CCSER1: variants seen among roughly 807,000 people sequenced by gnomAD.
CCSER1 encodes serine-rich coiled-coil domain-containing protein 1.
CCSER1 carries 41 observed loss-of-function variants against 82.0 expected under a neutral mutation model. The observed-to-expected ratio is 0.50, with a 90% CI of 0.39 to 0.65. The LOEUF is 0.65. Among genes scored for constraint, CCSER1 ranks in the 30% least tolerant of loss-of-function variants. The pLI is 0.00. For synonymous variants in CCSER1, 414 were observed against 383.9 expected (o/e 1.08, Z -0.92); for missense variants, 1,119 against 1,064.2 (o/e 1.05, Z -0.72).
At chr4:90,933,282 G>C (rs1461568163) in intron 9 of CCSER1, among the ~76,000 whole-genome samples, 1 of 151,000 alleles carries the variant, frequency 6.6e-6, no homozygotes, top group Admixed American at 6.6e-5. Flanking sequence ...CCACCTCCCG[G>C]GTTCACCGCA....
At chr4:90,691,584 GTGAATATATCACATGTGTATATATCACA>G (rs1393769284) in intron 6 of CCSER1, among the ~76,000 whole-genome samples, 15 of 108,610 alleles carry the variant, frequency 1.4e-4, no homozygotes, top group Admixed American at 1.9e-4. Flanking sequence ...TATAATGCAT[GTGAATATATCACATGTGTATATATCACA>G]TGTATATATG....
At position 91,599,604 on chromosome 4, in the gene CCSER1, T is replaced by C. The variant is rs1764737326; in HGVS notation, c.*547T>C. On this transcript the variant is annotated 3_prime_UTR_variant, in exon 11 of 11. Transcript: ENST00000509176. ...AACCTAGAGATGTGTTTGTCTCTATTACATACATTCAAGCTCATCTTGTGA... is the reference window on the plus strand; with the variant it reads ...AACCTAGAGATGTGTTTGTCTCTATCACATACATTCAAGCTCATCTTGTGA... 6.6e-6 allele frequency: 1 copy of C among 152,198 alleles called. No individual in the cohort carries two copies. The highest frequency in any genetic ancestry group is 1.5e-5 in the Non-Finnish European group (1 of 68,058). The allele number at this position is 152,198 out of a possible 1,614,324, so 9.4% of individuals were successfully genotyped here. A position where few individuals can be genotyped will look rare whatever the true frequency, so the allele number is the denominator to read the frequency against.
At chr4:90,188,378 T>C (rs1169891188) in intron 1 of CCSER1, among the ~76,000 whole-genome samples, 2 of 151,996 alleles carry the variant, frequency 1.3e-5, no homozygotes, top group African/African-American at 2.4e-5. Context: ...GACTTTAATG[T>C]AGCTTCTATC....
chr4:90,897,613 CT>C (rs2150135517), intron 8 of CCSER1, among the ~76,000 whole-genome samples: 1 of 152,108 alleles, frequency 6.6e-6, no homozygotes, highest in South Asian at 2.1e-4. Flanking sequence ...GTGCAAGTGT[CT>C]TTTTGATGAA....
intron 9 of CCSER1, among the ~76,000 whole-genome samples, chr4:90,926,868 A>G (rs1307103188): frequency 4.6e-5 from 7 of 152,064 alleles, no homozygotes; most frequent in Admixed American, 3.9e-4. Context: ...AACAGGATAG[A>G]AGATGAATAG....
rs531472428 is a variant in CCSER1 at position 90,440,761 on chromosome 4, T to A, written c.1604-27473T>A. Among the ~76,000 whole-genome samples the A allele has an allele frequency of 5.9e-5, 9 of 152,316 alleles. No individual in the cohort carries two copies. In the East Asian group the frequency reaches 1.7e-3, roughly 29 times the overall value. On this transcript the variant is annotated intron_variant, in intron 4 of 10. Coordinates refer to ENST00000509176, the MANE Select transcript of CCSER1 (RefSeq NM_001145065.2). ...TTTAACACAAGCGACTCATGTTTATTTTGAGTTTAAATATTTTAAATTTCT... is the reference window on the plus strand; with the variant it reads ...TTTAACACAAGCGACTCATGTTTATATTGAGTTTAAATATTTTAAATTTCT...
chr4:90,601,337 C>T (rs563658061), intron 5 of CCSER1, among the ~76,000 whole-genome samples: 15 of 151,722 alleles, frequency 9.9e-5, no homozygotes, highest in African/African-American at 3.4e-4. Context: ...TATCCTTTAT[C>T]AGGTTGTAAA....
chr4:90,146,627 C>T (rs916093144), intron 1 of CCSER1, among the ~76,000 whole-genome samples: 5 of 151,924 alleles, frequency 3.3e-5, no homozygotes, highest in Non-Finnish European at 4.4e-5. Flanking sequence ...CAACTGTTAT[C>T]GAAATTGGCT....
chr4:91,081,974 A>C lies in CCSER1; in HGVS notation c.2173-3976A>C, dbSNP rs573030319. 5.3e-5 allele frequency among the ~76,000 whole-genome samples: 8 copies of C among 152,334 alleles called. No homozygotes were observed. The East Asian group carries it at 1.5e-3, about 29-fold the overall frequency. On this transcript the variant is annotated intron_variant, in intron 9 of 10. Transcript: ENST00000509176. Reference sequence around the variant, plus strand: ...GGGTAGGAAGAATCAATATCGTGAAAATGGCCATACTGCCCAAGGTAATTT... The same window carrying C: ...GGGTAGGAAGAATCAATATCGTGAACATGGCCATACTGCCCAAGGTAATTT...
chr4:90,128,054 C>T (rs1403306034), intron 1 of CCSER1, among the ~76,000 whole-genome samples: 2 of 151,986 alleles, frequency 1.3e-5, no homozygotes, highest in Non-Finnish European at 2.9e-5. Flanking sequence ...CACCACCGGC[C>T]CGCGACTCCC....
chr4:90,617,853 C>G (rs925194819), intron 5 of CCSER1, among the ~76,000 whole-genome samples: 1 of 151,980 alleles, frequency 6.6e-6, no homozygotes, highest in Non-Finnish European at 1.5e-5. Flanking sequence ...TTTGTTTGTT[C>G]CTTGCAACAG....
At chr4:90,398,352 G>A (rs1256070698) in intron 3 of CCSER1, among the ~76,000 whole-genome samples, 2 of 152,092 alleles carry the variant, frequency 1.3e-5, no homozygotes. Context: ...TAAATCCCAT[G>A]AATTCAAAAT....
At chr4:91,049,181 AT>A (rs1742782992) in intron 9 of CCSER1, among the ~76,000 whole-genome samples, 1 of 152,180 alleles carries the variant, frequency 6.6e-6, no homozygotes, top group African/African-American at 2.4e-5. Context: ...CAATGAAGAT[AT>A]GTTTTGTTTA....
chr4:90,632,157 C>A (rs1023699618), intron 6 of CCSER1, among the ~76,000 whole-genome samples: 3 of 151,986 alleles, frequency 2.0e-5, no homozygotes, highest in Non-Finnish European at 4.4e-5. Flanking sequence ...ATAAAATTTA[C>A]TTCTTTCTAA....
intron 9 of CCSER1, among the ~76,000 whole-genome samples, chr4:91,035,624 A>G (rs946449699): frequency 3.3e-5 from 5 of 152,138 alleles, no homozygotes; most frequent in Admixed American, 1.3e-4. Flanking sequence ...AATATAAAAC[A>G]TGGCTTCTAT....
At chr4:90,283,809 C>T (rs557195555) in intron 1 of CCSER1, among the ~76,000 whole-genome samples, 12 of 152,044 alleles carry the variant, frequency 7.9e-5, no homozygotes, top group Middle Eastern at 3.4e-3. Context: ...TATCTCTTTT[C>T]GTTGTATTGA....
intron 10 of CCSER1, among the ~76,000 whole-genome samples, chr4:91,584,460 A>T (rs541083962): frequency 1.3e-5 from 2 of 151,572 alleles, no homozygotes; most frequent in East Asian, 3.9e-4. Flanking sequence ...TCCAGTAAAA[A>T]ACACCCTGAT....
At chr4:90,672,907 T>G (rs559616542) in intron 6 of CCSER1, among the ~76,000 whole-genome samples, 1 of 152,154 alleles carries the variant, frequency 6.6e-6, no homozygotes. Flanking sequence ...ATTTATCAAT[T>G]AAGTTTGCCA....
At chr4:90,871,561 G>GATTTCTTTC in intron 8 of CCSER1, among the ~76,000 whole-genome samples, 8 of 151,464 alleles carry the variant, frequency 5.3e-5, no homozygotes, top group Non-Finnish European at 1.2e-4. Context: ...TTTTGTTTTT[G>GATTTCTTTC]AAGACCCTTT....
Sources: gnomAD v4.1 joint callset for allele counts (sites outside exome capture counted in the v4.1 genomes callset) on GRCh38, gnomAD v4.1.1 for gene constraint, MANE v1.5 for transcripts, NCBI Gene and HGNC (gene_info 2026-07-23, HGNC 2026-07-21) for gene names.